SFMBT2: variants seen among roughly 807,000 people sequenced by gnomAD.
SFMBT2 encodes Scm like with four mbt domains 2, also known as scm-like with four MBT domains protein 2.
A neutral mutation model predicts 110.1 loss-of-function variants in SFMBT2; 38 were observed. That is an observed-to-expected ratio of 0.35 (90% confidence interval 0.27 to 0.45). The LOEUF is 0.45. Among genes scored for constraint, SFMBT2 ranks in the 20% least tolerant of loss-of-function variants. The probability of loss-of-function intolerance (pLI) is 1.00; values close to 1 mark genes in which losing one functional copy is unlikely to be tolerated. For missense variants in SFMBT2, 1,011 were observed against 1,094.9 expected (o/e 0.92, Z 1.08); for synonymous variants, 425 against 425.4 (o/e 1.00, Z 0.01).
chr10:7,316,881 T>C (rs972751558), intron 4 of SFMBT2, among the ~76,000 whole-genome samples: 1 of 120,706 alleles, frequency 8.3e-6, no homozygotes, highest in Non-Finnish European at 1.7e-5. Flanking sequence ...TCCCCACACA[T>C]AAACACACAC....
chr10:7,402,440 C>T (rs950128269), intron 1 of SFMBT2, among the ~76,000 whole-genome samples: 1 of 152,140 alleles, frequency 6.6e-6, no homozygotes, highest in African/African-American at 2.4e-5. Context: ...ACACCAAAAG[C>T]CCTAAACCAG....
rs181150132 is a variant in SFMBT2, at chr10:7,376,890, G to A, written c.100+4909C>T. ...AAAACAAACATAAGAGAAAACACCC[G>A]GCCGAGTGTGGTGGCTCACGCCTGT... On this transcript the variant is annotated intron_variant, in intron 2 of 20. Transcript: ENST00000397167. Among the ~76,000 whole-genome samples, 28 of 144,040 alleles carry A rather than the reference G, an allele frequency of 1.9e-4. 1 individual carries two copies. Among genetic ancestry groups the A allele is most frequent in the Middle Eastern group, 3.7e-3 (1 of 268 alleles). The allele number at this position is 144,040 out of a possible 152,430, so 94.5% of individuals were successfully genotyped here. A position where few individuals can be genotyped will look rare whatever the true frequency, so the allele number is the denominator to read the frequency against.
intron 7 of SFMBT2, among the ~76,000 whole-genome samples, chr10:7,253,987 G>A (rs987556427): frequency 1.3e-5 from 2 of 152,130 alleles, no homozygotes; most frequent in African/African-American, 4.8e-5. Context: ...GATGAATGAC[G>A]ATTTCAGAAA....
At chr10:7,263,656 C>T (rs1016822710) in intron 7 of SFMBT2, among the ~76,000 whole-genome samples, 2 of 152,190 alleles carry the variant, frequency 1.3e-5, no homozygotes, top group East Asian at 1.9e-4. Context: ...AGCTCTGTCT[C>T]TATATATGGG....
chr10:7,381,058 C>CACACACAT (rs1588497329), intron 2 of SFMBT2, among the ~76,000 whole-genome samples: 5 of 146,616 alleles, frequency 3.4e-5, no homozygotes, highest in South Asian at 2.1e-4. Context: ...AAAACACACA[C>CACACACAT]ACACACATAC....
intron 15 of SFMBT2, among the ~76,000 whole-genome samples, chr10:7,191,362 C>T (rs1838596296): frequency 1.3e-5 from 2 of 152,334 alleles, no homozygotes; most frequent in Middle Eastern, 3.4e-3. Flanking sequence ...AGCTCTGGGT[C>T]TATTCTCACC....
At chr10:7,309,538 G>A (rs940474419) in intron 4 of SFMBT2, among the ~76,000 whole-genome samples, 2 of 152,162 alleles carry the variant, frequency 1.3e-5, no homozygotes, top group African/African-American at 2.4e-5. Context: ...CACATGGAAC[G>A]GGGGTGTATA....
At chr10:7,188,006 C>A (rs891260003) in intron 16 of SFMBT2, among the ~76,000 whole-genome samples, 1 of 152,154 alleles carries the variant, frequency 6.6e-6, no homozygotes, top group African/African-American at 2.4e-5. Context: ...GCCTAAACAA[C>A]CAAGTTCAAG....
intron 4 of SFMBT2, among the ~76,000 whole-genome samples, chr10:7,326,952 T>C (rs1052835863): frequency 3.3e-5 from 5 of 152,092 alleles, no homozygotes; most frequent in African/African-American, 9.7e-5. Flanking sequence ...GGGTAATGTA[T>C]TTTAGGAAAG....
intron 15 of SFMBT2, among the ~76,000 whole-genome samples, chr10:7,195,377 C>T (rs1314355575): frequency 6.6e-6 from 1 of 152,178 alleles, no homozygotes; most frequent in African/African-American, 2.4e-5. Flanking sequence ...ACTCAATCAC[C>T]CTTTCTCTTT....
intron 10 of SFMBT2, among the ~76,000 whole-genome samples, chr10:7,226,247 A>C (rs2692809): frequency 6.6e-6 from 1 of 152,186 alleles, no homozygotes; most frequent in Admixed American, 6.5e-5. Flanking sequence ...GATTTGAGCT[A>C]CTTCTCAAGG....
At chr10:7,266,096 T>G (rs113240932) in intron 7 of SFMBT2, among the ~76,000 whole-genome samples, 209 of 152,014 alleles carry the variant, frequency 1.4e-3, no homozygotes, top group Middle Eastern at 6.8e-3. Context: ...TCTTTCCTTT[T>G]TTTTTTTCTT....
At chr10:7,214,343 T>C (rs986066834) in intron 11 of SFMBT2, among the ~76,000 whole-genome samples, 1 of 152,156 alleles carries the variant, frequency 6.6e-6, no homozygotes, top group Non-Finnish European at 1.5e-5. Flanking sequence ...GTTCCTGTCT[T>C]GGATGCTGGG....
intron 4 of SFMBT2, among the ~76,000 whole-genome samples, chr10:7,343,258 T>C (rs1166769868): frequency 2.6e-5 from 4 of 152,162 alleles, no homozygotes; most frequent in African/African-American, 4.8e-5. Context: ...TTCCATGGTG[T>C]ATGTGTAACA....
At chr10:7,197,804 G>A in intron 14 of SFMBT2, 117 bp from the exon 15 acceptor site, 1 of 1,370,014 alleles carries the variant, frequency 7.3e-7, no homozygotes, top group East Asian at 2.5e-5. Context: ...AGCTGTCCGA[G>A]GTCTTGGCTG....
intron 3 of SFMBT2, among the ~76,000 whole-genome samples, chr10:7,369,207 C>T (rs762949765): frequency 6.6e-6 from 1 of 152,166 alleles, no homozygotes; most frequent in Non-Finnish European, 1.5e-5. Flanking sequence ...CTGGCTTCTT[C>T]ATTCAGCCAA....
At chr10:7,174,444 T>C (rs1837985734) in intron 17 of SFMBT2, among the ~76,000 whole-genome samples, 1 of 152,246 alleles carries the variant, frequency 6.6e-6, no homozygotes, top group African/African-American at 2.4e-5. Flanking sequence ...ACCCCTGCTT[T>C]TCCAGTGTTT....
chr10:7,292,474 C>T (rs1378201140), intron 4 of SFMBT2, among the ~76,000 whole-genome samples: 3 of 152,206 alleles, frequency 2.0e-5, no homozygotes, highest in Non-Finnish European at 4.4e-5. Flanking sequence ...GTTCCTAGTG[C>T]TACCTACTAC....
intron 7 of SFMBT2, 107 bp from the exon 8 acceptor site, chr10:7,248,756 G>A (rs1233451991): frequency 2.4e-5 from 21 of 865,870 alleles, no homozygotes; most frequent in Admixed American, 1.4e-4. Context: ...AAAATCTTAT[G>A]GAGACAATTA....
Sources: allele counts gnomAD v4.1 joint callset (sites outside exome capture counted in the v4.1 genomes callset), GRCh38; gene constraint gnomAD v4.1.1; transcripts MANE v1.5; gene names NCBI Gene and HGNC (gene_info 2026-07-23, HGNC 2026-07-21).